The following LIPJ variants were observed in gnomAD, a reference collection of about 807,000 sequenced individuals.
LIPJ encodes the protein lipase family member J, also known as lipase member J.
A neutral mutation model predicts 39.8 loss-of-function variants in LIPJ; 33 were observed. That is an observed-to-expected ratio of 0.83 (90% CI 0.63 to 1.11). The LOEUF is 1.11. Among genes scored for constraint, LIPJ ranks in the 50% least tolerant of loss-of-function variants. The pLI, the probability that LIPJ is intolerant of heterozygous loss-of-function variation, is 0.00. For missense variants in LIPJ, 422 were observed against 427.9 expected, an observed-to-expected ratio of 0.99 and a Z score of 0.12; for synonymous variants, 128 against 139.2, an observed-to-expected ratio of 0.92 and a Z score of 0.57.
chr10:88,620,714 A>C, the LIPJ span, among the ~76,000 whole-genome samples: 2 of 152,186 alleles, frequency 1.3e-5, no homozygotes, highest in African/African-American at 4.8e-5. Context: ...AAATAGTACA[A>C]GTTCTTTGGA....
intron 8 of LIPJ, among the ~76,000 whole-genome samples, chr10:88,599,690 C>T (rs7358113): frequency 0.67 from 89,694 of 133,396 alleles, 28,463 homozygotes; most frequent in African/African-American, 0.83. Context: ...TACATATATA[C>T]ACACACACAC....
chr10:88,614,886 C>T, the LIPJ span, among the ~76,000 whole-genome samples: 1 of 152,094 alleles, frequency 6.6e-6, no homozygotes, highest in Non-Finnish European at 1.5e-5. Context: ...GAAGCAGAGT[C>T]ATACATGTAT....
intron 8 of LIPJ, among the ~76,000 whole-genome samples, chr10:88,598,657 G>A (rs1457305164): frequency 1.3e-5 from 2 of 151,750 alleles, no homozygotes; most frequent in Non-Finnish European, 2.9e-5. Flanking sequence ...CTCACAGATA[G>A]GCCTGACAGG....
chr10:88,606,046 C>A (rs192764235), intron 10 of LIPJ, among the ~76,000 whole-genome samples: 1 of 151,948 alleles, frequency 6.6e-6, no homozygotes, highest in East Asian at 1.9e-4. Context: ...ATTTATTCAC[C>A]CTAAAACCAG....
the LIPJ span, chr10:88,618,752 G>A: frequency 5.9e-6 from 1 of 170,024 alleles, no homozygotes. Context: ...TCAGTTATGG[G>A]CATCTGCCTA....
chr10:88,584,979 T>C (rs1025823885), upstream of LIPJ, among the ~76,000 whole-genome samples: 6 of 152,220 alleles, frequency 3.9e-5, no homozygotes, highest in African/African-American at 1.4e-4. Flanking sequence ...AGCAGACATT[T>C]ATCTTGGGGA....
At chr10:88,619,470 C>CACACACACACACAT in the LIPJ span, among the ~76,000 whole-genome samples, 1 of 151,854 alleles carries the variant, frequency 6.6e-6, no homozygotes, top group African/African-American at 2.4e-5. Flanking sequence ...CACACACACA[C>CACACACACACACAT]ATATCCCTTT....
intron 8 of LIPJ, among the ~76,000 whole-genome samples, chr10:88,598,729 G>T (rs1851344864): frequency 2.0e-5 from 3 of 151,710 alleles, no homozygotes; most frequent in African/African-American, 7.3e-5. Flanking sequence ...GTGCGATTTG[G>T]GTTGTATAAG....
At chr10:88,613,800 A>ATATATATATATGTGTGTGTG in the LIPJ span, among the ~76,000 whole-genome samples, 59 of 74,146 alleles carry the variant, frequency 8.0e-4, no homozygotes, top group Admixed American at 3.6e-3. Context: ...ATATATATAT[A>ATATATATATATGTGTGTGTG]TGTGTGTGTG....
upstream of LIPJ, chr10:88,583,457 G>T: frequency 7.6e-7 from 1 of 1,317,998 alleles, no homozygotes; most frequent in Non-Finnish European, 9.7e-7. Context: ...CGGGCGCCCT[G>T]CCCCTCGCCC....
chr10:88,583,417 C>T (rs1850781486), upstream of LIPJ: 1 of 1,362,564 alleles, frequency 7.3e-7, no homozygotes, highest in South Asian at 1.6e-5. Context: ...TGCGGAGAAC[C>T]GGGGCTGTCT....
intron 8 of LIPJ, among the ~76,000 whole-genome samples, chr10:88,597,533 G>A (rs941778739): frequency 6.6e-6 from 1 of 151,856 alleles, no homozygotes; most frequent in Non-Finnish European, 1.5e-5. Context: ...AGAAGCAAAT[G>A]TGCCATTTGG....
chr10:88,597,498 A>T (rs1485905199), intron 8 of LIPJ, among the ~76,000 whole-genome samples: 1 of 151,934 alleles, frequency 6.6e-6, no homozygotes, highest in Non-Finnish European at 1.5e-5. Context: ...TTTTCATCAC[A>T]TTAAATTAAA....
chr10:88,611,133 T>C (rs1851746344), downstream of LIPJ, among the ~76,000 whole-genome samples: 2 of 152,234 alleles, frequency 1.3e-5, no homozygotes, highest in South Asian at 4.2e-4. Flanking sequence ...GCCCAGTACC[T>C]CCACTGGATG....
At chr10:88,601,530 A>G (rs1178232141) in intron 8 of LIPJ, among the ~76,000 whole-genome samples, 1 of 152,154 alleles carries the variant, frequency 6.6e-6, no homozygotes, top group Non-Finnish European at 1.5e-5. Context: ...TCTTCTGCCC[A>G]GCAAGACTAC....
chr10:88,594,753 G>C, exon 6 of LIPJ: 1 of 1,531,806 alleles, frequency 6.5e-7, no homozygotes, highest in Non-Finnish European at 8.9e-7. Context: ...TTTTATGTAG[G>C]CCATTCACAG....
upstream of LIPJ, among the ~76,000 whole-genome samples, chr10:88,586,018 A>G (rs1850901063): frequency 6.6e-6 from 1 of 152,180 alleles, no homozygotes; most frequent in African/African-American, 2.4e-5. Context: ...TTTTCCACTT[A>G]TCTATGGCAG....
the LIPJ span, among the ~76,000 whole-genome samples, chr10:88,612,070 C>T: frequency 6.6e-6 from 1 of 152,142 alleles, no homozygotes; most frequent in African/African-American, 2.4e-5. Context: ...GCAGGTGTCT[C>T]GGCAGAAACC....
chr10:88,606,856 C>T lies in LIPJ; in HGVS notation c.1050C>T (p.Val350=), dbSNP rs1332244294. The T allele has an allele frequency of 1.9e-6, 3 of 1,597,920 alleles. No individual in the cohort carries two copies. The South Asian group carries it at 3.4e-5, about 18-fold the overall frequency. ...TAGACTCTTTGTTTGGATTAGATGT[C>T]TATGATCAAGTTTACCATGAAATCA... The change falls in exon 11 of 11, where the codon GTC becomes GTT. Residue 350 remains valine, a synonymous_variant. Transcript: ENST00000371939.
Sources: gnomAD v4.1 joint callset for allele counts (sites outside exome capture counted in the v4.1 genomes callset) on GRCh38, gnomAD v4.1.1 for gene constraint, MANE v1.5 for transcripts, NCBI Gene and HGNC (gene_info 2026-07-23, HGNC 2026-07-21) for gene names.